The following BBS9 variants were observed in gnomAD, a reference collection of about 807,000 sequenced individuals.
BBS9 encodes the protein Bardet-Biedl syndrome 9.
A neutral mutation model predicts 117.7 loss-of-function variants in BBS9; 89 were observed. The observed-to-expected ratio is 0.76, with a 90% confidence interval of 0.64 to 0.90. The LOEUF is 0.90. BBS9 is among the 40% of genes least tolerant of loss of function. The probability of loss-of-function intolerance (pLI) is 0.00; values close to 1 mark genes in which losing one functional copy is unlikely to be tolerated. For synonymous variants in BBS9, 379 were observed against 370.9 expected (o/e 1.02, Z -0.25); for missense variants, 982 against 1,042.2 (o/e 0.94, Z 0.80).
intron 20 of BBS9, among the ~76,000 whole-genome samples, chr7:33,510,964 G>A (rs1846866907): frequency 6.6e-6 from 1 of 152,200 alleles, no homozygotes; most frequent in African/African-American, 2.4e-5. Flanking sequence ...CCTAGGTTCA[G>A]CCTGTTCAGA....
chr7:33,633,056 C>G (rs1291906492), intron 21 of BBS9, among the ~76,000 whole-genome samples: 3 of 152,100 alleles, frequency 2.0e-5, no homozygotes, highest in Non-Finnish European at 4.4e-5. Context: ...TTAACCAAAC[C>G]AAACAAGGCC....
chr7:33,219,997 C>A (rs1789923681), intron 5 of BBS9, among the ~76,000 whole-genome samples: 1 of 152,168 alleles, frequency 6.6e-6, no homozygotes, highest in African/African-American at 2.4e-5. Context: ...ACTCCGAACA[C>A]ATCTGAACAT....
chr7:33,504,508 C>T lies in BBS9; in HGVS notation c.2116-955C>T, dbSNP rs1317988880. ...AATATCACCAAATGGATCATCTGCACCAGACTTCTGAAACTCATCTGAACT... is the reference window on the plus strand; with the variant it reads ...AATATCACCAAATGGATCATCTGCATCAGACTTCTGAAACTCATCTGAACT... On this transcript the variant is annotated intron_variant, in intron 19 of 22. Transcript: ENST00000242067. Among the ~76,000 whole-genome samples, 3 of 152,138 alleles carry T rather than the reference C, an allele frequency of 2.0e-5. No homozygotes were observed. In the East Asian group the frequency reaches 5.8e-4, roughly 29 times the overall value.
intron 9 of BBS9, among the ~76,000 whole-genome samples, chr7:33,330,259 C>T (rs1275387601): frequency 6.6e-6 from 1 of 152,132 alleles, no homozygotes; most frequent in East Asian, 1.9e-4. Flanking sequence ...AGGCAATCTG[C>T]CCACCTCAGC....
At chr7:33,624,949 A>T (rs145245506) in intron 21 of BBS9, among the ~76,000 whole-genome samples, 83 of 152,274 alleles carry the variant, frequency 5.5e-4, no homozygotes, top group African/African-American at 1.9e-3. Context: ...CTGGGTTAAG[A>T]AATGTGTACG....
intron 19 of BBS9, among the ~76,000 whole-genome samples, chr7:33,435,081 T>C (rs983138321): frequency 6.6e-6 from 1 of 152,132 alleles, no homozygotes; most frequent in African/African-American, 2.4e-5. Flanking sequence ...TACAATTGTA[T>C]TGAATTATAA....
intron 9 of BBS9, among the ~76,000 whole-genome samples, chr7:33,281,993 T>A (rs539892850): frequency 1.0e-3 from 153 of 151,880 alleles, no homozygotes; most frequent in African/African-American, 3.5e-3. Context: ...TAAAAAAAAA[T>A]TTGTAGAGAT....
At chr7:33,177,769 T>C in intron 5 of BBS9, 178 bp downstream of exon 5, 2 of 605,310 alleles carry the variant, frequency 3.3e-6, no homozygotes, top group Non-Finnish European at 6.0e-6. Flanking sequence ...TGAATGTGCC[T>C]GATATCGTCT....
intron 19 of BBS9, among the ~76,000 whole-genome samples, chr7:33,465,385 C>T (rs1840018759): frequency 6.6e-6 from 1 of 151,812 alleles, no homozygotes; most frequent in Non-Finnish European, 1.5e-5. Flanking sequence ...GCACTGTGAA[C>T]TGCACACCTG....
At chr7:33,228,452 G>A (rs1046375887) in intron 5 of BBS9, among the ~76,000 whole-genome samples, 12 of 151,924 alleles carry the variant, frequency 7.9e-5, no homozygotes, top group African/African-American at 2.7e-4. Context: ...AGAAGATTTA[G>A]TCACAAAAGG....
chr7:33,513,455 T>C (rs894941124), intron 20 of BBS9, among the ~76,000 whole-genome samples: 8 of 152,240 alleles, frequency 5.3e-5, no homozygotes, highest in African/African-American at 1.7e-4. Flanking sequence ...ATTAAACATA[T>C]AGTTGTATAC....
At chr7:33,158,641 G>A (rs921938305) in intron 4 of BBS9, among the ~76,000 whole-genome samples, 1 of 152,140 alleles carries the variant, frequency 6.6e-6, no homozygotes, top group South Asian at 2.1e-4. Context: ...TTCATGCCAA[G>A]TTTAAATATT....
chr7:33,415,650 T>G (rs891883654), intron 19 of BBS9, among the ~76,000 whole-genome samples: 1 of 152,172 alleles, frequency 6.6e-6, no homozygotes, highest in East Asian at 1.9e-4. Flanking sequence ...GGCTGCTAAG[T>G]TCAACCTCCT....
intron 7 of BBS9, among the ~76,000 whole-genome samples, chr7:33,268,716 C>T (rs2128335930): frequency 6.6e-6 from 1 of 152,148 alleles, no homozygotes; most frequent in East Asian, 1.9e-4. Flanking sequence ...GTGTATTTCC[C>T]TAAGTGGAGG....
intron 21 of BBS9, among the ~76,000 whole-genome samples, chr7:33,547,649 CACATTAAAGTTGATTTGCAATAGCCATTG>C (rs1853629207): frequency 6.6e-6 from 1 of 152,132 alleles, no homozygotes; most frequent in Admixed American, 6.5e-5. Context: ...ATAATTAAAT[CACATTAAAGTTGATTTGCAATAGCCATTG>C]TGGAAAGGAC....
chr7:33,563,392 T>C (rs935849459), intron 21 of BBS9, among the ~76,000 whole-genome samples: 14 of 152,142 alleles, frequency 9.2e-5, no homozygotes, highest in African/African-American at 1.2e-4. Flanking sequence ...TTCTAAGAGA[T>C]TGCTTTTAAA....
intron 17 of BBS9, among the ~76,000 whole-genome samples, chr7:33,370,150 A>G (rs1822579914): frequency 6.7e-6 from 1 of 148,926 alleles, no homozygotes; most frequent in African/African-American, 2.6e-5. Context: ...ACTGAGTAGG[A>G]TTATATTTTT....
At chr7:33,136,993 A>C (rs912079435) in intron 1 of BBS9, among the ~76,000 whole-genome samples, 3 of 151,794 alleles carry the variant, frequency 2.0e-5, no homozygotes, top group Non-Finnish European at 4.4e-5. Flanking sequence ...CAATTTCTTT[A>C]TTTATTATGG....
intron 20 of BBS9, among the ~76,000 whole-genome samples, chr7:33,531,609 C>G (rs1159261023): frequency 6.6e-6 from 1 of 152,128 alleles, no homozygotes; most frequent in African/African-American, 2.4e-5. Flanking sequence ...ACTAGAGGAA[C>G]TAGGATGTTT....
Sources: gnomAD v4.1 joint callset for allele counts (sites outside exome capture counted in the v4.1 genomes callset) on GRCh38, gnomAD v4.1.1 for gene constraint, MANE v1.5 for transcripts, NCBI Gene and HGNC (gene_info 2026-07-23, HGNC 2026-07-21) for gene names.